Variants in EPM2A observed in about 807,000 individuals in gnomAD.
The protein encoded by EPM2A is laforin.
In EPM2A, 21 loss-of-function variants were observed where a neutral mutation model predicts 26.5. The observed-to-expected ratio is 0.79, with a 90% CI of 0.56 to 1.14. The LOEUF (loss-of-function observed/expected upper bound fraction) is 1.14, where lower values mean the gene tolerates loss of function less well. EPM2A is among the 50% of genes most tolerant of loss of function. The pLI, the probability that EPM2A is intolerant of heterozygous loss-of-function variation, is 0.00. For missense variants in EPM2A, 458 were observed against 440.8 expected (o/e 1.04, Z -0.35); for synonymous variants, 217 against 177.6 (o/e 1.22, Z -1.76).
At chr6:145,533,987 T>C (rs184130967) in intron 2 of EPM2A, among the ~76,000 whole-genome samples, 4 of 152,282 alleles carry the variant, frequency 2.6e-5, no homozygotes, top group Non-Finnish European at 4.4e-5. Flanking sequence ...TGAATAAAGA[T>C]AGTTCTGAAA....
intron 4 of EPM2A, among the ~76,000 whole-genome samples, chr6:145,463,550 T>C (rs555643663): frequency 6.7e-6 from 1 of 149,976 alleles, no homozygotes; most frequent in Admixed American, 6.6e-5. Flanking sequence ...AATATCACAA[T>C]TTACTTTTTC....
intron 2 of EPM2A, among the ~76,000 whole-genome samples, chr6:145,679,810 T>G (rs1562480791): frequency 6.6e-6 from 1 of 152,162 alleles, no homozygotes; most frequent in Non-Finnish European, 1.5e-5. Context: ...ATAGCAACCT[T>G]GAGAGCTGTA....
At chr6:145,543,801 TC>T (rs1562376729) in intron 2 of EPM2A, among the ~76,000 whole-genome samples, 1 of 152,010 alleles carries the variant, frequency 6.6e-6, no homozygotes, top group African/African-American at 2.4e-5. Flanking sequence ...TGGGCCATTT[TC>T]CCCCTAGATT....
chr6:145,690,684 T>C (rs1423108261), intron 1 of EPM2A, among the ~76,000 whole-genome samples: 1 of 149,512 alleles, frequency 6.7e-6, no homozygotes, highest in Non-Finnish European at 1.5e-5. Context: ...AGAACAATGA[T>C]GTTAGAATTA....
At chr6:145,547,294 C>A (rs1780595033) in intron 2 of EPM2A, among the ~76,000 whole-genome samples, 1 of 152,080 alleles carries the variant, frequency 6.6e-6, no homozygotes, top group African/African-American at 2.4e-5. Flanking sequence ...TCTCCTTGGT[C>A]TTTTCTAGTC....
intron 1 of EPM2A, among the ~76,000 whole-genome samples, chr6:145,702,726 A>G (rs927233133): frequency 6.6e-6 from 1 of 152,186 alleles, no homozygotes; most frequent in Non-Finnish European, 1.5e-5. Context: ...GTTCAGACCT[A>G]TATGTATCAA....
intron 2 of EPM2A, among the ~76,000 whole-genome samples, chr6:145,512,069 C>G (rs1007477177): frequency 6.6e-6 from 1 of 152,130 alleles, no homozygotes; most frequent in Non-Finnish European, 1.5e-5. Flanking sequence ...AGTGAAAGAT[C>G]TCCACCAAGA....
chr6:145,464,981 T>C (rs1404560362), intron 4 of EPM2A, among the ~76,000 whole-genome samples: 1 of 152,114 alleles, frequency 6.6e-6, no homozygotes, highest in Non-Finnish European at 1.5e-5. Context: ...AGGAGTATCT[T>C]TGTGGCGTTC....
intron 2 of EPM2A, among the ~76,000 whole-genome samples, chr6:145,510,131 C>T (rs1381333440): frequency 6.6e-6 from 1 of 150,896 alleles, no homozygotes; most frequent in East Asian, 1.9e-4. Context: ...CGCAGCCACA[C>T]AATAATAGTG....
At position 145,600,951 on chromosome 6, in the gene EPM2A, C is replaced by G. The variant is rs569512837; in HGVS notation, c.340+34294G>C. Among the ~76,000 whole-genome samples the G allele has an allele frequency of 1.1e-4, 17 of 152,324 alleles. No individual in the cohort carries two copies. In the South Asian group the frequency reaches 3.5e-3, roughly 32 times the overall value. On this transcript the variant is annotated intron_variant, in intron 2 of 3. Transcript: ENST00000450221. ...CACTGTCCAGAGGGTCATGGCTGTA[C>G]CCTTTCCAATGAGATCTGAATCTCT...
chr6:145,457,526 C>T (rs992322042), intron 4 of EPM2A, among the ~76,000 whole-genome samples: 2 of 151,710 alleles, frequency 1.3e-5, no homozygotes, highest in Admixed American at 6.6e-5. Context: ...ATAATTCTGC[C>T]TTTAATGTAT....
chr6:145,589,907 A>G (rs1781248444), intron 2 of EPM2A, among the ~76,000 whole-genome samples: 1 of 151,932 alleles, frequency 6.6e-6, no homozygotes, highest in Non-Finnish European at 1.5e-5. Context: ...AAAAAGAAAA[A>G]AAAGAAAGAA....
intron 4 of EPM2A, among the ~76,000 whole-genome samples, chr6:145,413,006 G>C (rs937888617): frequency 3.3e-5 from 5 of 152,110 alleles, no homozygotes; most frequent in African/African-American, 1.2e-4. Flanking sequence ...TGGTAATTTA[G>C]ATATGGTGAC....
intron 2 of EPM2A, among the ~76,000 whole-genome samples, chr6:145,558,307 T>C (rs1245113421): frequency 6.6e-6 from 1 of 152,044 alleles, no homozygotes; most frequent in Non-Finnish European, 1.5e-5. Context: ...TTCTTTTTCA[T>C]TATAAATTAC....
chr6:145,709,182 G>A (rs1448673376), intron 1 of EPM2A, among the ~76,000 whole-genome samples: 1 of 152,140 alleles, frequency 6.6e-6, no homozygotes, highest in East Asian at 1.9e-4. Context: ...GGACTTTTGA[G>A]TTAATATTAA....
intron 2 of EPM2A, among the ~76,000 whole-genome samples, chr6:145,602,302 T>A (rs1781426552): frequency 6.6e-6 from 1 of 152,234 alleles, no homozygotes; most frequent in South Asian, 2.1e-4. Context: ...AATATATTTG[T>A]TGCATTGATA....
chr6:145,718,731 G>A (rs1775782968), intron 1 of EPM2A, among the ~76,000 whole-genome samples: 1 of 152,072 alleles, frequency 6.6e-6, no homozygotes, highest in Non-Finnish European at 1.5e-5. Context: ...TCTGACAAAG[G>A]GCTAATATCC....
chr6:145,647,071 C>T lies in EPM2A; in HGVS notation c.477-11585G>A, dbSNP rs118162490. On this transcript the variant is annotated intron_variant, in intron 2 of 3. Coordinates refer to ENST00000367519, the MANE Select transcript of EPM2A (RefSeq NM_005670.4). Reference sequence around the variant, plus strand: ...TTATATCAACAGCCTCCAAAATGACCTCCCAGTCTGTCTCCCTTACACACT... The same window carrying T: ...TTATATCAACAGCCTCCAAAATGACTTCCCAGTCTGTCTCCCTTACACACT... Among the ~76,000 whole-genome samples, 1,505 of 152,230 alleles carry T rather than the reference C, an allele frequency of 9.9e-3. 10 individuals are homozygous for T. Among genetic ancestry groups the T allele is most frequent in the Admixed American group, 0.017 (263 of 15,286 alleles).
intron 1 of EPM2A, among the ~76,000 whole-genome samples, chr6:145,696,864 T>C (rs1240821095): frequency 6.6e-6 from 1 of 151,660 alleles, no homozygotes; most frequent in Non-Finnish European, 1.5e-5. Context: ...ACTATGATTA[T>C]TGTTATTTTG....
Sources: allele counts gnomAD v4.1 joint callset (sites outside exome capture counted in the v4.1 genomes callset), GRCh38; gene constraint gnomAD v4.1.1; transcripts MANE v1.5; gene names NCBI Gene and HGNC (gene_info 2026-07-23, HGNC 2026-07-21).